MAGI2: variants seen among roughly 807,000 people sequenced by gnomAD.
MAGI2 encodes membrane associated guanylate kinase, WW and PDZ domain containing 2, also known as membrane-associated guanylate kinase, WW and PDZ domain-containing protein 2.
A neutral mutation model predicts 133.3 loss-of-function variants in MAGI2; 35 were observed. That is an observed-to-expected ratio of 0.26 (90% CI 0.20 to 0.35). The LOEUF is 0.35. Ranked by LOEUF, MAGI2 falls within the 10% of genes least tolerant of loss-of-function variation. MAGI2 has a pLI of 1.00. For missense variants in MAGI2, 1,636 were observed against 1,863.4 expected, an observed-to-expected ratio of 0.88 and a Z score of 2.25; for synonymous variants, 729 against 710.6, an observed-to-expected ratio of 1.03 and a Z score of -0.41.
chr7:78,386,919 ACAC>A (rs1795441718), intron 6 of MAGI2, among the ~76,000 whole-genome samples: 2 of 152,266 alleles, frequency 1.3e-5, no homozygotes, highest in South Asian at 4.1e-4. Flanking sequence ...TGTACCTAGA[ACAC>A]CACCAACTAA....
rs570501643 is a variant in MAGI2 at position 78,361,748 on chromosome 7, C to T, written c.1103+7408G>A. ...AAGGTTGTTGATAAGATGTAAGAGT[C>T]GCTAATAAAAGTGTATTTAATTACA... On this transcript the variant is annotated intron_variant, in intron 7 of 21. Transcript: ENST00000354212. Among the ~76,000 whole-genome samples the T allele has an allele frequency of 3.9e-5, 6 of 152,242 alleles. 1 individual carries two copies. In the South Asian group the frequency reaches 1.2e-3, roughly 32 times the overall value.
chr7:78,682,629 G>A (rs562421333), intron 2 of MAGI2, among the ~76,000 whole-genome samples: 1 of 152,190 alleles, frequency 6.6e-6, no homozygotes, highest in African/African-American at 2.4e-5. Flanking sequence ...TCATTGATGG[G>A]CGTTTGGGTT....
chr7:79,268,868 T>G (rs1229974809), intron 1 of MAGI2, among the ~76,000 whole-genome samples: 2 of 152,172 alleles, frequency 1.3e-5, no homozygotes, highest in African/African-American at 4.8e-5. Flanking sequence ...GGGCACAGGA[T>G]AGATGATGAC....
rs556571656 is a variant in MAGI2 at position 78,774,358 on chromosome 7, C to A, written c.419-147119G>T. Among the ~76,000 whole-genome samples, 307 of 152,106 alleles carry A rather than the reference C, an allele frequency of 2.0e-3. 1 individual carries two copies. The highest frequency in any genetic ancestry group is 3.8e-3 in the Non-Finnish European group (256 of 68,028). ...CTCAAGTAAAGGAGTACTCGTGCTA[C>A]AAAAGGCAATATCATAAACATAGGA... On this transcript the variant is annotated intron_variant, in intron 2 of 21. Coordinates refer to ENST00000354212, the MANE Select transcript of MAGI2 (RefSeq NM_012301.4).
At chr7:78,667,276 T>C (rs966629486) in intron 2 of MAGI2, among the ~76,000 whole-genome samples, 2 of 151,720 alleles carry the variant, frequency 1.3e-5, no homozygotes, top group African/African-American at 4.8e-5. Context: ...CTACCACCGA[T>C]CTGTTCTCCA....
intron 1 of MAGI2, among the ~76,000 whole-genome samples, chr7:79,089,959 C>T (rs1816904587): frequency 6.6e-6 from 1 of 151,746 alleles, no homozygotes; most frequent in Non-Finnish European, 1.5e-5. Flanking sequence ...TATACCTATA[C>T]ATGTGCACAT....
intron 1 of MAGI2, among the ~76,000 whole-genome samples, chr7:79,368,393 G>A (rs1267790929): frequency 6.6e-6 from 1 of 152,114 alleles, no homozygotes; most frequent in Admixed American, 6.6e-5. Flanking sequence ...TTGCAGCATA[G>A]TTTTGACTTC....
At chr7:78,113,857 T>C (rs1198031790) in intron 20 of MAGI2, among the ~76,000 whole-genome samples, 2 of 152,178 alleles carry the variant, frequency 1.3e-5, no homozygotes, top group Admixed American at 1.3e-4. Context: ...AACTAGGCAC[T>C]TTACCCTTCC....
intron 6 of MAGI2, among the ~76,000 whole-genome samples, chr7:78,381,562 T>C (rs1205475455): frequency 2.6e-5 from 4 of 152,034 alleles, no homozygotes; most frequent in African/African-American, 9.7e-5. Context: ...ATATCAGTGA[T>C]AAAGAGCTAC....
chr7:78,931,594 C>A (rs561049654), intron 2 of MAGI2, among the ~76,000 whole-genome samples: 1 of 152,074 alleles, frequency 6.6e-6, no homozygotes, highest in African/African-American at 2.4e-5. Context: ...GCCGTTTATG[C>A]CACTGAAATT....
intron 2 of MAGI2, among the ~76,000 whole-genome samples, chr7:78,890,466 C>T (rs936836828): frequency 1.3e-5 from 2 of 152,170 alleles, no homozygotes; most frequent in Non-Finnish European, 2.9e-5. Flanking sequence ...AAATTGACCA[C>T]ATAGTTGGAA....
chr7:78,609,329 A>G (rs1481269467), intron 3 of MAGI2, among the ~76,000 whole-genome samples: 1 of 152,168 alleles, frequency 6.6e-6, no homozygotes, highest in African/African-American at 2.4e-5. Flanking sequence ...TCTTCAGTAA[A>G]GACAATAATA....
intron 2 of MAGI2, among the ~76,000 whole-genome samples, chr7:78,917,684 C>T (rs1489174717): frequency 6.6e-6 from 1 of 152,118 alleles, no homozygotes; most frequent in African/African-American, 2.4e-5. Context: ...GCCCTCAGTA[C>T]AAAGGCCAAT....
At chr7:79,376,814 A>G (rs184452930) in intron 1 of MAGI2, among the ~76,000 whole-genome samples, 225 of 126,388 alleles carry the variant, frequency 1.8e-3, no homozygotes, top group African/African-American at 7.0e-3. Context: ...ATAAGAGAGG[A>G]TTTGTGTGTG....
At chr7:78,125,607 T>G in intron 20 of MAGI2, 87 bp downstream of exon 20, 1 of 1,431,232 alleles carries the variant, frequency 7.0e-7, no homozygotes, top group Non-Finnish European at 9.5e-7. Context: ...GCAACCCCGC[T>G]TGACAGCATG....
At chr7:79,421,275 A>C (rs973241744) in intron 1 of MAGI2, among the ~76,000 whole-genome samples, 4 of 148,160 alleles carry the variant, frequency 2.7e-5, no homozygotes, top group African/African-American at 5.2e-5. Context: ...GTACCCAATA[A>C]ATATTTATTA....
At chr7:78,340,604 C>T (rs1790269136) in intron 9 of MAGI2, among the ~76,000 whole-genome samples, 1 of 152,140 alleles carries the variant, frequency 6.6e-6, no homozygotes, top group Non-Finnish European at 1.5e-5. Context: ...AAAGCTTTTC[C>T]ATCACAATCA....
chr7:79,415,796 G>A (rs1846463260), intron 1 of MAGI2: 1 of 152,094 alleles, frequency 6.6e-6, no homozygotes, highest in South Asian at 2.1e-4. Flanking sequence ...TCTGAATCTG[G>A]AAGATCCAGA....
chr7:78,437,407 G>A (rs1364099683), intron 6 of MAGI2, among the ~76,000 whole-genome samples: 1 of 152,194 alleles, frequency 6.6e-6, no homozygotes, highest in Non-Finnish European at 1.5e-5. Flanking sequence ...TCTTCACTGA[G>A]GGCATAACAG....
Sources: allele counts gnomAD v4.1 joint callset (sites outside exome capture counted in the v4.1 genomes callset), GRCh38; gene constraint gnomAD v4.1.1; transcripts MANE v1.5; gene names NCBI Gene and HGNC (gene_info 2026-07-23, HGNC 2026-07-21).